The following FGF13 variants were observed in gnomAD, a reference collection of about 807,000 sequenced individuals.
FGF13 encodes the protein fibroblast growth factor 13, also known as fibroblast growth factor homologous factor 2.
Under a neutral mutation model 19.5 loss-of-function variants are expected in FGF13, and 2 were observed. The observed-to-expected ratio is 0.10, with a 90% CI of 0.04 to 0.32. The LOEUF is 0.32. FGF13 is among the 10% of genes least tolerant of loss of function. The pLI, the probability that FGF13 is intolerant of heterozygous loss-of-function variation, is 1.00. For missense variants in FGF13, 113 were observed against 192.7 expected (o/e 0.59, Z 2.45); for synonymous variants, 72 against 76.9 (o/e 0.94, Z 0.33).
intron 1 of FGF13, among the ~76,000 whole-genome samples, chrX:138,888,999 G>T (rs183666539): frequency 1.8e-5 from 2 of 111,953 alleles, no homozygotes; most frequent in Admixed American, 1.9e-4. Flanking sequence ...AATATTTTTT[G>T]AGCACCAACC....
intron 1 of FGF13, among the ~76,000 whole-genome samples, chrX:139,027,318 T>A (rs1237001787): frequency 8.9e-6 from 1 of 112,448 alleles, no homozygotes; most frequent in Non-Finnish European, 1.9e-5. Flanking sequence ...TAACCTTTTT[T>A]CCAGAATGGC....
At chrX:138,998,598 C>T (rs1307406314) in intron 1 of FGF13, among the ~76,000 whole-genome samples, 1 of 110,979 alleles carries the variant, frequency 9.0e-6, no homozygotes, top group African/African-American at 3.3e-5. Context: ...AAGGCATTAC[C>T]TAATGGTAAA....
At chrX:138,760,864 C>T (rs2090461962) in intron 3 of FGF13, among the ~76,000 whole-genome samples, 1 of 111,777 alleles carries the variant, frequency 8.9e-6, no homozygotes, top group Admixed American at 9.5e-5. Flanking sequence ...GGTTCTCTAA[C>T]ATCTCACCAT....
intron 1 of FGF13, among the ~76,000 whole-genome samples, chrX:138,865,450 CCTCTCTCTCTCT>C (rs370662542): frequency 5.6e-5 from 5 of 89,252 alleles, no homozygotes; most frequent in Admixed American, 4.7e-4. Context: ...CTCTCTCTCT[CCTCTCTCTCTCT>C]CTCTCTCTCT....
At chrX:139,097,796 C>G (rs62603183) in intron 1 of FGF13, among the ~76,000 whole-genome samples, 13,800 of 110,767 alleles carry the variant, frequency 0.12, 670 homozygotes, top group South Asian at 0.2. Context: ...GATCAGAAAG[C>G]AAGCAATAAA....
At chrX:138,739,020 C>T (rs185074002) in intron 1 of FGF13, among the ~76,000 whole-genome samples, 28 of 104,805 alleles carry the variant, frequency 2.7e-4, no homozygotes, top group African/African-American at 9.6e-4. Context: ...TTTTAAATTC[C>T]TCCCAGAAAA....
chrX:138,897,542 C>T (rs1173429440), intron 1 of FGF13, among the ~76,000 whole-genome samples: 2 of 111,701 alleles, frequency 1.8e-5, no homozygotes, highest in Non-Finnish European at 3.8e-5. Context: ...AAAAACCTAC[C>T]AGTGAAGCAT....
chrX:138,711,618 G>A lies in FGF13; in HGVS notation c.-615C>T. 1.3e-6 allele frequency: 1 copy of A among 754,907 alleles called. No individual in the cohort carries two copies. The highest frequency in any genetic ancestry group is 6.7e-5 in the South Asian group (1 of 14,918). The allele number at this position is 754,907 out of a possible 1,213,427, so 62.2% of individuals were successfully genotyped here. ...CCAGGTTTCCGACAGGGATCAAACAGGTAATGGCCTCGCATCTTCGCTGTT... is the reference window on the plus strand; with the variant it reads ...CCAGGTTTCCGACAGGGATCAAACAAGTAATGGCCTCGCATCTTCGCTGTT... On this transcript the variant is annotated 5_prime_UTR_variant, in exon 1 of 5. Coordinates refer to ENST00000315930, the MANE Select transcript of FGF13 (RefSeq NM_004114.5).
intron 3 of FGF13, among the ~76,000 whole-genome samples, chrX:138,790,446 T>C (rs2090733672): frequency 1.8e-5 from 2 of 110,744 alleles, no homozygotes; most frequent in Admixed American, 9.6e-5. Context: ...CCATCCAATA[T>C]CCAACCCTAA....
intron 1 of FGF13, among the ~76,000 whole-genome samples, chrX:138,717,150 C>G (rs1475264616): frequency 8.9e-6 from 1 of 111,838 alleles, no homozygotes; most frequent in Non-Finnish European, 1.9e-5. Context: ...GCCATGGCAG[C>G]TGCAACATCG....
At chrX:138,641,526 A>T (rs1206571031) in intron 3 of FGF13, among the ~76,000 whole-genome samples, 1 of 112,483 alleles carries the variant, frequency 8.9e-6, no homozygotes, top group African/African-American at 3.2e-5. Context: ...AATGAAATTA[A>T]TATGCAGATT....
intron 1 of FGF13, among the ~76,000 whole-genome samples, chrX:138,909,391 G>A (rs2091575595): frequency 8.9e-6 from 1 of 111,746 alleles, no homozygotes; most frequent in African/African-American, 3.3e-5. Flanking sequence ...TGTGGCAGCA[G>A]ACCCAATGGA....
intron 1 of FGF13, among the ~76,000 whole-genome samples, chrX:139,102,830 G>C (rs925770101): frequency 2.7e-5 from 3 of 112,664 alleles, no homozygotes; most frequent in African/African-American, 6.4e-5. Context: ...ACGTGGAAAG[G>C]CTCCATGGAC....
At chrX:139,071,784 G>A (rs1193910703) in intron 1 of FGF13, among the ~76,000 whole-genome samples, 3 of 109,673 alleles carry the variant, frequency 2.7e-5, no homozygotes, top group Non-Finnish European at 5.7e-5. Flanking sequence ...TAGGGAGGCC[G>A]AGGCTGGCAG....
intron 1 of FGF13, among the ~76,000 whole-genome samples, chrX:139,163,213 T>TA (rs1177717264): frequency 9.0e-6 from 1 of 111,543 alleles, no homozygotes; most frequent in African/African-American, 3.3e-5. Flanking sequence ...TATGCAGCCA[T>TA]AAAAAAGGAT....
At chrX:138,968,442 C>T (rs757252276) in intron 1 of FGF13, among the ~76,000 whole-genome samples, 1 of 111,777 alleles carries the variant, frequency 8.9e-6, no homozygotes, top group South Asian at 3.7e-4. Context: ...CCTTCTTCTC[C>T]CCATCCCTCT....
chrX:139,079,893 T>C (rs1433134991), intron 1 of FGF13, among the ~76,000 whole-genome samples: 1 of 110,714 alleles, frequency 9.0e-6, no homozygotes, highest in East Asian at 2.9e-4. Context: ...ATTAAATAAA[T>C]TACTGAATCA....
intron 1 of FGF13, among the ~76,000 whole-genome samples, chrX:139,109,245 T>C: frequency 8.9e-6 from 1 of 111,933 alleles, no homozygotes; most frequent in Non-Finnish European, 1.9e-5. Flanking sequence ...CCTGTTCCTG[T>C]GGTATCTGTC....
chrX:138,944,010 G>A (rs777321440), intron 1 of FGF13, among the ~76,000 whole-genome samples: 1 of 110,929 alleles, frequency 9.0e-6, no homozygotes, highest in Non-Finnish European at 1.9e-5. Context: ...GATTTTTTTT[G>A]TATCTCCTAT....
Sources: allele counts gnomAD v4.1 joint callset (sites outside exome capture counted in the v4.1 genomes callset), GRCh38; gene constraint gnomAD v4.1.1; transcripts MANE v1.5; gene names NCBI Gene and HGNC (gene_info 2026-07-23, HGNC 2026-07-21).